The following SNCB variants were observed in gnomAD, a reference collection of about 807,000 sequenced individuals.
The protein encoded by SNCB is synuclein beta.
In SNCB, 8 loss-of-function variants were observed where a neutral mutation model predicts 20.0. The observed-to-expected ratio is 0.40, with a 90% CI of 0.24 to 0.72. The LOEUF is 0.72. Ranked by LOEUF, SNCB falls within the 30% of genes least tolerant of loss-of-function variation. The pLI is 0.37. For missense variants in SNCB, 125 were observed against 168.0 expected (o/e 0.74, Z 1.41); for synonymous variants, 56 against 65.4 (o/e 0.86, Z 0.69).
intron 4 of SNCB, among the ~76,000 whole-genome samples, chr5:176,622,868 C>A (rs1479368095): frequency 6.6e-6 from 1 of 151,538 alleles, no homozygotes; most frequent in Non-Finnish European, 1.5e-5. Context: ...TCCCAAGTAG[C>A]TGGGATTACA....
chr5:176,628,281 T>G (rs1309508964), intron 2 of SNCB, among the ~76,000 whole-genome samples: 1 of 151,978 alleles, frequency 6.6e-6, no homozygotes, highest in Non-Finnish European at 1.5e-5. Context: ...CCAGCAGGAA[T>G]GAAAGACCCT....
intron 4 of SNCB, among the ~76,000 whole-genome samples, chr5:176,624,995 G>A (rs1049560711): frequency 2.6e-5 from 4 of 152,132 alleles, no homozygotes; most frequent in Non-Finnish European, 5.9e-5. Context: ...CATGCTGAAC[G>A]TACACTGATC....
In SNCB at chr5:176,629,623, G is replaced by T; in HGVS notation, c.32C>A (p.Ala11Asp). MDVFMKGLSM[A>D]KEGVVAAAEK... ...CGCGGCTGCCACAACGCCCTCCTTG[G>T]CCATGGACAGGCCCTTCATGAACAC... The change falls in exon 2 of 6, where the codon GCC becomes GAC. Residue 11 changes from alanine (A) to aspartate (D), a missense_variant. Physicochemically the swap from Ala to Asp is moderately radical, Grantham distance 126 (BLOSUM62 -2). Coordinates refer to ENST00000393693, the MANE Select transcript of SNCB (RefSeq NM_003085.5). This position sits in a 1 kb window ranked among gnomAD's most constrained non-coding sequence, Gnocchi z 4.1. The T allele has an allele frequency of 6.2e-7, 1 of 1,613,828 alleles. No individual in the cohort carries two copies. Among genetic ancestry groups the T allele is most frequent in the African/African-American group, 1.3e-5 (1 of 75,032 alleles).
Position 176,626,857 on chromosome 5 carries a change from C to T in SNCB, c.122-96G>A, listed in dbSNP as rs1038089500. On this transcript the variant is annotated intron_variant, in intron 2 of 5. Transcript: ENST00000393693. This position sits in a 1 kb window ranked among gnomAD's most constrained non-coding sequence, Gnocchi z 4.2. Reference sequence around the variant, plus strand: ...GATTACAGAGTGGGCATCCTGGCCCCGTCACTGCCTCCTTGGGTCCCCACA... The same window carrying T: ...GATTACAGAGTGGGCATCCTGGCCCTGTCACTGCCTCCTTGGGTCCCCACA... The T allele has an allele frequency of 2.3e-5, 30 of 1,304,536 alleles. No individual in the cohort carries two copies. In the Middle Eastern group the frequency reaches 5.7e-4, roughly 25 times the overall value. The allele number at this position is 1,304,536 out of a possible 1,614,324, so 80.8% of individuals were successfully genotyped here. A position where few individuals can be genotyped will look rare whatever the true frequency, so the allele number is the denominator to read the frequency against.
intron 2 of SNCB, among the ~76,000 whole-genome samples, chr5:176,627,666 T>G (rs1188840126): frequency 6.0e-4 from 84 of 140,246 alleles, no homozygotes; most frequent in Non-Finnish European, 8.8e-4. Context: ...GGCGGGGGGG[T>G]GGGGGAAGAG....
At chr5:176,622,447 G>A (rs1011457802) in intron 4 of SNCB, among the ~76,000 whole-genome samples, 4 of 151,888 alleles carry the variant, frequency 2.6e-5, no homozygotes, top group African/African-American at 4.8e-5. Flanking sequence ...CCAAGATCAC[G>A]CCACTGCACT....
chr5:176,620,829 C>G lies in SNCB; in HGVS notation c.387G>C (p.Glu129Asp). 6.2e-7 allele frequency: 1 copy of G among 1,613,984 alleles called. No individual in the cohort carries two copies. Among genetic ancestry groups the G allele is most frequent in the South Asian group, 1.1e-5 (1 of 91,086 alleles). Residue 129 changes from glutamate (E) to aspartate (D), a missense_variant, in exon 6 of 6, where the codon GAG becomes GAC. Transcript: ENST00000393693. This position sits in a 1 kb window ranked among gnomAD's most constrained non-coding sequence, Gnocchi z 4.5. Reference protein sequence around the residue: ...YEDPPQEEYQEYEPEA With the variant: ...YEDPPQEEYQDYEPEA ...TGGGCCCCTACGCCTCTGGCTCATA[C>G]TCCTGATATTCCTCCTGCATCACCG... is the stretch of plus-strand genomic sequence containing the variant.
chr5:176,623,346 C>G (rs1232512849), intron 4 of SNCB, among the ~76,000 whole-genome samples: 1 of 152,090 alleles, frequency 6.6e-6, no homozygotes, highest in East Asian at 1.9e-4. Context: ...GAGATTGTGG[C>G]ACTGCACTCC....
chr5:176,629,800 C>G lies in SNCB; in HGVS notation c.-9-137G>C. The G allele has an allele frequency of 8.2e-7, 1 of 1,216,486 alleles. No individual in the cohort carries two copies. 75.4% of individuals were successfully genotyped at this position (1,216,486 alleles called of 1,614,324 possible). ...CCCTGAGCCCCCTCCCGCTTTCCCC[C>G]CATCCCACCCCACTCCCCAGTGCGA... On this transcript the variant is annotated intron_variant, in intron 1 of 5. Transcript: ENST00000393693. This position sits in a 1 kb window ranked among gnomAD's most constrained non-coding sequence, Gnocchi z 4.1.
In SNCB at chr5:176,622,806, G is replaced by A. The variant is rs568698513; in HGVS notation, c.283-1503C>T. ...GGCTGGTGCGCAGTGGTGTGATCTC[G>A]GCTCACCGCAACCTCAGCCTCCTGG... On this transcript the variant is annotated intron_variant, in intron 4 of 5. Transcript: ENST00000393693. 2.0e-4 allele frequency among the ~76,000 whole-genome samples: 29 copies of A among 146,756 alleles called. 1 individual carries two copies. In the South Asian group the frequency reaches 5.4e-3, roughly 27 times the overall value.
At chr5:176,627,148 A>G (rs756993522) in intron 2 of SNCB, among the ~76,000 whole-genome samples, 4 of 152,210 alleles carry the variant, frequency 2.6e-5, no homozygotes, top group Non-Finnish European at 5.9e-5. Context: ...AAGTGGCTGA[A>G]CTGACATTCA....
chr5:176,627,594 C>A (rs1328882204), intron 2 of SNCB, among the ~76,000 whole-genome samples: 3 of 151,920 alleles, frequency 2.0e-5, no homozygotes, highest in Admixed American at 2.0e-4. Context: ...TCCCGTCTGA[C>A]AATTTGGCAA....
chr5:176,629,827 G>A lies in SNCB; in HGVS notation c.-9-164C>T. The A allele has an allele frequency of 1.0e-6, 1 of 977,000 alleles. No homozygotes were observed. The highest frequency in any genetic ancestry group is 1.4e-6 in the Non-Finnish European group (1 of 689,706). 60.5% of individuals were successfully genotyped at this position (977,000 alleles called of 1,614,324 possible). A position where few individuals can be genotyped will look rare whatever the true frequency, so the allele number is the denominator to read the frequency against. On this transcript the variant is annotated intron_variant, in intron 1 of 5. Coordinates refer to ENST00000393693, the MANE Select transcript of SNCB (RefSeq NM_003085.5). The surrounding 1 kb of genome is among the most constrained non-coding windows in gnomAD (Gnocchi z 4.1). ...ATCCCACCCCACTCCCCAGTGCGAA[G>A]CCTCAGGGCCGCGGAGAGTCCTAGC...
chr5:176,626,590 C>T lies in SNCB; in HGVS notation c.164-74G>A, dbSNP rs767338474. On this transcript the variant is annotated intron_variant, in intron 3 of 5. Transcript: ENST00000393693. The surrounding 1 kb of genome is among the most constrained non-coding windows in gnomAD (Gnocchi z 4.2). ...CACCGATGCCCTGCCTTGTAGTATC[C>T]CAGGGCCTGCCCTCCCCACGGAGCA... 1 of 1,496,138 alleles carries T rather than the reference C, an allele frequency of 6.7e-7. No individual in the cohort carries two copies. The highest frequency in any genetic ancestry group is 1.4e-5 in the African/African-American group (1 of 72,612). 92.7% of individuals were successfully genotyped at this position (1,496,138 alleles called of 1,614,324 possible).
intron 4 of SNCB, among the ~76,000 whole-genome samples, chr5:176,622,942 G>C (rs1759697271): frequency 6.6e-6 from 1 of 151,658 alleles, no homozygotes; most frequent in African/African-American, 2.4e-5. Context: ...TCGCCATGTT[G>C]GTCAGGCTGT....
rs1330914304 is a variant in SNCB at position 176,621,879 on chromosome 5, C to T, written c.283-576G>A. Among the ~76,000 whole-genome samples the T allele has an allele frequency of 3.3e-5, 5 of 152,246 alleles. 1 individual carries two copies. The highest frequency in any genetic ancestry group is 1.3e-4 in the Admixed American group (2 of 15,290). On this transcript the variant is annotated intron_variant, in intron 4 of 5. Transcript: ENST00000393693. The surrounding 1 kb of genome is among the most constrained non-coding windows in gnomAD (Gnocchi z 4.1). ...CCCCCCCACCCGCTGCGTCTGCTGCCCAGACAGGCGCAGACCAGCGGGCAT... is the reference window on the plus strand; with the variant it reads ...CCCCCCCACCCGCTGCGTCTGCTGCTCAGACAGGCGCAGACCAGCGGGCAT...
chr5:176,624,051 T>C (rs1165176931), intron 4 of SNCB, among the ~76,000 whole-genome samples: 1 of 152,228 alleles, frequency 6.6e-6, no homozygotes, highest in Non-Finnish European at 1.5e-5. Flanking sequence ...CCCAAGGGGC[T>C]GTTGTCTGTG....
rs1228157143 is a variant in SNCB, at chr5:176,626,668, C to T, written c.163+52G>A. The T allele has an allele frequency of 1.9e-6, 3 of 1,606,824 alleles. No homozygotes were observed. Among genetic ancestry groups the T allele is most frequent in the East Asian group, 4.5e-5 (2 of 44,850 alleles). The stretch of plus-strand genomic sequence containing the variant: ...CCGCCCCCGCCCTCTGGTTCCCGGC[C>T]AGATCATCCGCCTAAGTGAGAGAAG... On this transcript the variant is annotated intron_variant, in intron 3 of 5. Coordinates refer to ENST00000393693, the MANE Select transcript of SNCB (RefSeq NM_003085.5). This position sits in a 1 kb window ranked among gnomAD's most constrained non-coding sequence, Gnocchi z 4.2.
chr5:176,627,955 G>A (rs561291279), intron 2 of SNCB, among the ~76,000 whole-genome samples: 8 of 152,350 alleles, frequency 5.3e-5, no homozygotes, highest in African/African-American at 1.9e-4. Context: ...ATGGGGAACA[G>A]ATGGACATCA....
Sources: allele counts gnomAD v4.1 joint callset (sites outside exome capture counted in the v4.1 genomes callset), GRCh38; gene constraint gnomAD v4.1.1; non-coding constraint Gnocchi (gnomAD v3.1); transcripts MANE v1.5; gene names NCBI Gene and HGNC (gene_info 2026-07-23, HGNC 2026-07-21).